Variants in LRRC4C observed in about 807,000 individuals in gnomAD.
LRRC4C encodes the protein leucine-rich repeat-containing protein 4C.
Under a neutral mutation model 33.6 loss-of-function variants are expected in LRRC4C, and 5 were observed. The observed-to-expected ratio is 0.15, with a 90% CI of 0.08 to 0.31. The LOEUF is 0.31. LRRC4C is among the 10% of genes least tolerant of loss of function. The pLI, the probability that LRRC4C is intolerant of heterozygous loss-of-function variation, is 1.00. For missense variants in LRRC4C, 560 were observed against 796.7 expected (o/e 0.70, Z 3.58); for synonymous variants, 329 against 302.0 (o/e 1.09, Z -0.93).
intron 3 of LRRC4C, among the ~76,000 whole-genome samples, chr11:40,559,601 T>A (rs1957468715): frequency 6.6e-6 from 1 of 152,210 alleles, no homozygotes. Context: ...CAAACGGCTT[T>A]CCACAATAGC....
intron 2 of LRRC4C, among the ~76,000 whole-genome samples, chr11:40,885,842 G>A (rs959761827): frequency 6.6e-6 from 1 of 151,956 alleles, no homozygotes; most frequent in Non-Finnish European, 1.5e-5. Flanking sequence ...CTTATTAAAG[G>A]CATTATTGAT....
chr11:41,411,142 A>ATTTTTTTTTTTTTTTTTGTTTTTTTTTT (rs1954465266), intron 1 of LRRC4C, among the ~76,000 whole-genome samples: 1 of 57,240 alleles, frequency 1.7e-5, no homozygotes. Context: ...TTGGTACCCT[A>ATTTTTTTTTTTTTTTTTGTTTTTTTTTT]TTTTTTTTTT....
intron 1 of LRRC4C, among the ~76,000 whole-genome samples, chr11:41,375,446 A>G (rs1377466852): frequency 2.6e-5 from 4 of 152,140 alleles, no homozygotes; most frequent in African/African-American, 9.7e-5. Context: ...AGAAATATAG[A>G]CAAGTTGTTT....
intron 1 of LRRC4C, among the ~76,000 whole-genome samples, chr11:41,108,095 T>C (rs1373778275): frequency 6.6e-6 from 1 of 151,970 alleles, no homozygotes; most frequent in Admixed American, 6.6e-5. Context: ...ATAAAACACT[T>C]CCTGATAAGC....
chr11:41,399,312 G>A (rs770695751), intron 1 of LRRC4C, among the ~76,000 whole-genome samples: 1 of 151,872 alleles, frequency 6.6e-6, no homozygotes, highest in African/African-American at 2.4e-5. Flanking sequence ...GGGTGAAAAC[G>A]CAACTTTTTG....
intron 4 of LRRC4C, among the ~76,000 whole-genome samples, chr11:40,317,529 T>C (rs1364793160): frequency 6.6e-6 from 1 of 152,094 alleles, no homozygotes; most frequent in Non-Finnish European, 1.5e-5. Context: ...ATTGTAGCCA[T>C]GCAGGCAAGT....
intron 3 of LRRC4C, among the ~76,000 whole-genome samples, chr11:40,500,293 T>TATACACAC (rs1394949843): frequency 5.0e-4 from 48 of 96,856 alleles, no homozygotes; most frequent in Non-Finnish European, 7.0e-4. Context: ...TATATATATA[T>TATACACAC]ACACACACAC....
intron 3 of LRRC4C, among the ~76,000 whole-genome samples, chr11:40,627,733 T>C (rs978795646): frequency 1.3e-5 from 2 of 152,214 alleles, no homozygotes; most frequent in African/African-American, 4.8e-5. Flanking sequence ...CTTCTTCTAC[T>C]CTTCCATTTG....
rs1423549718 is a variant in LRRC4C, at chr11:40,114,629, T to A, written c.1664A>T (p.His555Leu). 1.2e-5 allele frequency: 20 copies of A among 1,614,108 alleles called. No homozygotes were observed. The highest frequency in any genetic ancestry group is 1.7e-5 in the Non-Finnish European group (20 of 1,180,054). The part of the protein sequence containing the change: ...VIFYKMRKQH[H>L]RQNHHAPTRT... ...TGTTGGGGCGTGATGGTTTTGCCGA[T>A]GGTGCTGCTTCCTCATCTTGTAGAA... Residue 555 changes from histidine (H) to leucine (L), a missense_variant, in exon 7 of 7, where the codon CAT becomes CTT. His to Leu is a moderately conservative substitution (Grantham distance 99). Around this residue, in one of 3 missense-constraint regions of LRRC4C, gnomAD observed 103 missense variants for 132.1 expected, o/e 0.78. Transcript: ENST00000528697.
At chr11:40,216,580 G>A (rs915500671) in intron 5 of LRRC4C, among the ~76,000 whole-genome samples, 5 of 152,048 alleles carry the variant, frequency 3.3e-5, no homozygotes, top group East Asian at 1.9e-4. Context: ...ATTAAGAAGC[G>A]GAAAATGGGA....
At chr11:40,465,157 A>G (rs1051752456) in intron 3 of LRRC4C, among the ~76,000 whole-genome samples, 4 of 152,068 alleles carry the variant, frequency 2.6e-5, no homozygotes, top group Non-Finnish European at 5.9e-5. Context: ...ATCAAGCCTC[A>G]TACCTATAGA....
chr11:41,374,856 T>C (rs1187634621), intron 1 of LRRC4C, among the ~76,000 whole-genome samples: 2 of 152,162 alleles, frequency 1.3e-5, no homozygotes, highest in Non-Finnish European at 1.5e-5. Context: ...GGAAAATGGC[T>C]GGGCATGGTG....
intron 1 of LRRC4C, among the ~76,000 whole-genome samples, chr11:41,361,333 T>C (rs1383111593): frequency 6.6e-6 from 1 of 152,230 alleles, no homozygotes; most frequent in Non-Finnish European, 1.5e-5. Flanking sequence ...CATTTTCTTG[T>C]AGGAGTTACA....
At chr11:40,845,930 A>G (rs906240753) in intron 2 of LRRC4C, among the ~76,000 whole-genome samples, 18 of 151,854 alleles carry the variant, frequency 1.2e-4, no homozygotes, top group Admixed American at 1.2e-3. Flanking sequence ...TCTAATGACC[A>G]GTGATGATGA....
At chr11:41,372,776 A>G (rs1301010057) in intron 1 of LRRC4C, among the ~76,000 whole-genome samples, 1 of 116,452 alleles carries the variant, frequency 8.6e-6, no homozygotes, top group East Asian at 2.8e-4. Context: ...TTTGTTTGCA[A>G]GAGGGCACCA....
At chr11:41,389,370 A>G (rs1251537716) in intron 1 of LRRC4C, among the ~76,000 whole-genome samples, 3 of 151,842 alleles carry the variant, frequency 2.0e-5, no homozygotes, top group Non-Finnish European at 2.9e-5. Flanking sequence ...CATAATTTAT[A>G]TCATGGTTGT....
At chr11:40,914,238 C>T (rs189518151) in intron 2 of LRRC4C, among the ~76,000 whole-genome samples, 1 of 152,142 alleles carries the variant, frequency 6.6e-6, no homozygotes, top group African/African-American at 2.4e-5. Flanking sequence ...GGCAGAGACA[C>T]AACAAAAAAA....
chr11:40,421,326 G>C (rs1260300457), intron 3 of LRRC4C, among the ~76,000 whole-genome samples: 1 of 152,114 alleles, frequency 6.6e-6, no homozygotes, highest in Non-Finnish European at 1.5e-5. Context: ...TTTGCCTTTG[G>C]GTCAAAGTCA....
chr11:41,255,455 A>C (rs1948769623), intron 1 of LRRC4C, among the ~76,000 whole-genome samples: 1 of 152,060 alleles, frequency 6.6e-6, no homozygotes, highest in South Asian at 2.1e-4. Context: ...ATCCCAGGCA[A>C]TAAATCACCA....
Sources: allele counts gnomAD v4.1 joint callset (sites outside exome capture counted in the v4.1 genomes callset), GRCh38; gene constraint gnomAD v4.1.1; regional missense constraint gnomAD v4.1.1; transcripts MANE v1.5; gene names NCBI Gene and HGNC (gene_info 2026-07-23, HGNC 2026-07-21).